OSBPL5: variants seen among roughly 807,000 people sequenced by gnomAD.
The protein encoded by OSBPL5 is oxysterol-binding protein-related protein 5.
OSBPL5 carries 71 observed loss-of-function variants against 111.2 expected under a neutral mutation model. The ratio of observed to expected loss-of-function variants is 0.64; its 90% CI spans 0.53 to 0.78. The LOEUF (loss-of-function observed/expected upper bound fraction) is 0.78, where lower values mean the gene tolerates loss of function less well. Among genes scored for constraint, OSBPL5 ranks in the 30% least tolerant of loss-of-function variants. The probability of loss-of-function intolerance (pLI) is 0.00; values close to 1 mark genes in which losing one functional copy is unlikely to be tolerated. For missense variants in OSBPL5, 1,210 were observed against 1,189.3 expected, an observed-to-expected ratio of 1.02 and a Z score of -0.26; for synonymous variants, 549 against 513.9, an observed-to-expected ratio of 1.07 and a Z score of -0.93.
rs994076209 is a variant in OSBPL5 at position 3,113,481 on chromosome 11, C to A, written c.692-5536G>T. On this transcript the variant is annotated intron_variant, in intron 7 of 21. Coordinates refer to ENST00000263650, the MANE Select transcript of OSBPL5 (RefSeq NM_020896.4). This position sits in a 1 kb window ranked among gnomAD's most constrained non-coding sequence, Gnocchi z 4.8. Reference sequence around the variant, plus strand: ...ACCAGTCTGGCCAACATAGTGAAACCCCATCTCTACTAAAAATACAAAAAT... The same window carrying A: ...ACCAGTCTGGCCAACATAGTGAAACACCATCTCTACTAAAAATACAAAAAT... 6.6e-6 allele frequency among the ~76,000 whole-genome samples: 1 copy of A among 151,888 alleles called. No individual in the cohort carries two copies. Among genetic ancestry groups the A allele is most frequent in the Admixed American group, 6.6e-5 (1 of 15,222 alleles).
Position 3,100,130 on chromosome 11 carries a change from C to T in OSBPL5, c.1621+28G>A, listed in dbSNP as rs372099315. On this transcript the variant is annotated intron_variant, in intron 14 of 21. Coordinates refer to ENST00000263650, the MANE Select transcript of OSBPL5 (RefSeq NM_020896.4). ...CTGCTCTCACAGAGCCTGGCTCTGCCCTCGGAGTGTGTGGCTGAGCCTCTC... is the reference window on the plus strand; with the variant it reads ...CTGCTCTCACAGAGCCTGGCTCTGCTCTCGGAGTGTGTGGCTGAGCCTCTC... The T allele has an allele frequency of 7.8e-5, 125 of 1,607,300 alleles. No individual in the cohort carries two copies. In the African/African-American group the frequency reaches 1.6e-3, roughly 20 times the overall value.
intron 1 of OSBPL5, among the ~76,000 whole-genome samples, chr11:3,149,316 C>T (rs896825344): frequency 7.2e-5 from 11 of 152,230 alleles, no homozygotes; most frequent in Admixed American, 7.2e-4. Context: ...GCTGGGGGGG[C>T]AGTCGCCCTT....
At chr11:3,088,375 G>A (rs745471931) in intron 21 of OSBPL5, 32 bp from the exon 22 acceptor site, 1 of 1,491,642 alleles carries the variant, frequency 6.7e-7, no homozygotes, top group Non-Finnish European at 8.9e-7. Context: ...CGTGGGGGCT[G>A]TGCCAATGCC....
chr11:3,103,396 C>T (rs1857525073), intron 10 of OSBPL5, 76 bp from the exon 11 acceptor site: 2 of 1,358,320 alleles, frequency 1.5e-6, no homozygotes, highest in Admixed American at 2.1e-5. Context: ...ACCCTTCCCT[C>T]CTACCATCCC....
At chr11:3,136,378 C>G (rs1009571849) in intron 1 of OSBPL5, among the ~76,000 whole-genome samples, 27 of 152,370 alleles carry the variant, frequency 1.8e-4, no homozygotes, top group African/African-American at 6.3e-4. Context: ...CACATAGAGC[C>G]ATCAGCTGGG....
rs1026702862 is a variant in OSBPL5, at chr11:3,161,214, T to A, written c.-22+4002A>T. 2.0e-5 allele frequency: 3 copies of A among 152,270 alleles called. No individual in the cohort carries two copies. The highest frequency in any genetic ancestry group is 7.2e-5 in the African/African-American group (3 of 41,456). The allele number at this position is 152,270 out of a possible 1,614,324, so 9.4% of individuals were successfully genotyped here. A position where few individuals can be genotyped will look rare whatever the true frequency, so the allele number is the denominator to read the frequency against. On this transcript the variant is annotated intron_variant, in intron 1 of 21. Transcript: ENST00000263650. The surrounding 1 kb of genome is among the most constrained non-coding windows in gnomAD (Gnocchi z 8.0). ...ACTTTCCCCTTCATCCTTGTCTTCG[T>A]GTCAGCAGGGTGAGAGGGGATCTAT...
intron 7 of OSBPL5, among the ~76,000 whole-genome samples, chr11:3,111,635 A>G (rs892122170): frequency 6.6e-6 from 1 of 152,154 alleles, no homozygotes; most frequent in Non-Finnish European, 1.5e-5. Context: ...GAAGTTCCAA[A>G]TTATGGGGAA....
chr11:3,129,257 G>A, intron 1 of OSBPL5, 88 bp from the exon 2 acceptor site: 1 of 1,231,948 alleles, frequency 8.1e-7, no homozygotes, highest in Non-Finnish European at 1.1e-6. Context: ...TGGCTAAGAA[G>A]TCCCCCTCTC....
Position 3,140,443 on chromosome 11 carries a change from G to C in OSBPL5, c.-21-11274C>G, listed in dbSNP as rs1044054856. On this transcript the variant is annotated intron_variant, in intron 1 of 21. Coordinates refer to ENST00000263650, the MANE Select transcript of OSBPL5 (RefSeq NM_020896.4). The surrounding 1 kb of genome is among the most constrained non-coding windows in gnomAD (Gnocchi z 4.5). The stretch of plus-strand genomic sequence containing the variant: ...AAGCCAGCACAGCGTGTCCTCCTGA[G>C]AGGCCTGTGTGGACACTCAGGGGTC... Among the ~76,000 whole-genome samples, 1 of 152,162 alleles carries C rather than the reference G, an allele frequency of 6.6e-6. No individual in the cohort carries two copies. Among genetic ancestry groups the C allele is most frequent in the Admixed American group, 6.5e-5 (1 of 15,288 alleles).
intron 12 of OSBPL5, among the ~76,000 whole-genome samples, 199 bp downstream of exon 12, chr11:3,101,984 G>T (rs1183455914): frequency 3.3e-5 from 5 of 152,198 alleles, no homozygotes; most frequent in Non-Finnish European, 7.3e-5. Flanking sequence ...CACAGTCATG[G>T]TGGTGTCTGC....
At chr11:3,157,478 G>A (rs997068547) in intron 1 of OSBPL5, among the ~76,000 whole-genome samples, 1 of 152,192 alleles carries the variant, frequency 6.6e-6, no homozygotes, top group African/African-American at 2.4e-5. Context: ...GCAGCACCCC[G>A]ATGGAGGCAG....
intron 7 of OSBPL5, among the ~76,000 whole-genome samples, chr11:3,112,985 T>C (rs892112836): frequency 1.3e-5 from 2 of 152,244 alleles, no homozygotes; most frequent in African/African-American, 4.8e-5. Flanking sequence ...ACCTATGAGA[T>C]GTACTTCTAT....
chr11:3,131,134 C>T (rs1858809758), intron 1 of OSBPL5, among the ~76,000 whole-genome samples: 2 of 152,146 alleles, frequency 1.3e-5, no homozygotes, highest in South Asian at 4.1e-4. Flanking sequence ...GCTCCAGTTC[C>T]ACCTGGGCCA....
intron 1 of OSBPL5, among the ~76,000 whole-genome samples, chr11:3,132,766 G>A (rs1415109491): frequency 6.6e-6 from 1 of 152,204 alleles, no homozygotes; most frequent in Non-Finnish European, 1.5e-5. Context: ...GGAGTCCTTG[G>A]AGGGCTCCAC....
intron 19 of OSBPL5, among the ~76,000 whole-genome samples, chr11:3,091,936 G>A (rs560395854): frequency 5.6e-4 from 85 of 152,274 alleles, no homozygotes; most frequent in Admixed American, 1.2e-3. Context: ...TGGAACGGGG[G>A]CGTGTGGGTT....
chr11:3,147,036 A>G (rs964623285), intron 1 of OSBPL5, among the ~76,000 whole-genome samples: 1 of 151,720 alleles, frequency 6.6e-6, no homozygotes, highest in Non-Finnish European at 1.5e-5. Context: ...CCGAGGCCCC[A>G]GCTCTGTCCT....
At chr11:3,157,934 C>G (rs551122061) in intron 1 of OSBPL5, among the ~76,000 whole-genome samples, 77 of 152,354 alleles carry the variant, frequency 5.1e-4, no homozygotes, top group African/African-American at 1.7e-3. Flanking sequence ...TGGGGCCAAG[C>G]ACCCTTGGGT....
At position 3,126,701 on chromosome 11, in the gene OSBPL5, G is replaced by A. The variant is rs147177157; in HGVS notation, c.137-146C>T. ...CAGCCGGAGGTGGTGGCAGGAACAG[G>A]ACACTGCCTGAGAGGTGTAATAAAC... On this transcript the variant is annotated intron_variant, in intron 2 of 21. Coordinates refer to ENST00000263650, the MANE Select transcript of OSBPL5 (RefSeq NM_020896.4). This position sits in a 1 kb window ranked among gnomAD's most constrained non-coding sequence, Gnocchi z 6.5. The A allele has an allele frequency of 1.6e-4, 95 of 594,058 alleles. No individual in the cohort carries two copies. Among genetic ancestry groups the A allele is most frequent in the South Asian group, 1.3e-3 (62 of 47,932 alleles). 36.8% of individuals were successfully genotyped at this position (594,058 alleles called of 1,614,324 possible).
Position 3,162,065 on chromosome 11 carries a change from C to G in OSBPL5, c.-22+3151G>C, listed in dbSNP as rs1846982699. On this transcript the variant is annotated intron_variant, in intron 1 of 21. Coordinates refer to ENST00000263650, the MANE Select transcript of OSBPL5 (RefSeq NM_020896.4). The surrounding 1 kb of genome is among the most constrained non-coding windows in gnomAD (Gnocchi z 8.1). The stretch of plus-strand genomic sequence containing the variant: ...TGTGGGGTCTGGAAAGGGGTCAGGA[C>G]TTACTGAGACCCATGGCAAATCTCA... Among the ~76,000 whole-genome samples the G allele has an allele frequency of 6.6e-6, 1 of 152,106 alleles. No homozygotes were observed. The highest frequency in any genetic ancestry group is 1.5e-5 in the Non-Finnish European group (1 of 68,008).
Sources: gnomAD v4.1 joint callset for allele counts (sites outside exome capture counted in the v4.1 genomes callset) on GRCh38, gnomAD v4.1.1 for gene constraint, Gnocchi (gnomAD v3.1) non-coding constraint, MANE v1.5 for transcripts, NCBI Gene and HGNC (gene_info 2026-07-23, HGNC 2026-07-21) for gene names.